Variants in PEX5 observed in about 807,000 individuals in gnomAD.
The protein encoded by PEX5 is PTS1 receptor.
PEX5 carries 52 observed loss-of-function variants against 82.9 expected under a neutral mutation model. The ratio of observed to expected loss-of-function variants is 0.63; its 90% CI spans 0.50 to 0.79. The LOEUF is 0.79. Ranked by LOEUF, PEX5 falls within the 30% of genes least tolerant of loss-of-function variation. The pLI is 0.00. For synonymous variants in PEX5, 300 were observed against 318.8 expected (o/e 0.94, Z 0.63); for missense variants, 719 against 815.2 (o/e 0.88, Z 1.44).
chr12:7,204,346 C>G (rs1158043693), intron 10 of PEX5, among the ~76,000 whole-genome samples: 1 of 152,126 alleles, frequency 6.6e-6, no homozygotes, highest in Non-Finnish European at 1.5e-5. Context: ...GAACCAGGGC[C>G]TGAGATGCAA....
intron 4 of PEX5, 102 bp from the exon 5 acceptor site, chr12:7,191,467 G>A: frequency 6.3e-7 from 1 of 1,596,684 alleles, no homozygotes; most frequent in East Asian, 2.2e-5. Context: ...TGCAGAAGGA[G>A]ACAAAAGTAA....
chr12:7,213,888 C>A (rs1263029578), downstream of PEX5, among the ~76,000 whole-genome samples: 1 of 151,614 alleles, frequency 6.6e-6, no homozygotes, highest in African/African-American at 2.4e-5. Flanking sequence ...AAGAAAAAAA[C>A]AACCCCATCA....
chr12:7,195,104 C>T (rs1464453799), intron 5 of PEX5, among the ~76,000 whole-genome samples: 2 of 152,152 alleles, frequency 1.3e-5, no homozygotes, highest in Admixed American at 1.3e-4. Context: ...CACAGTGCTG[C>T]TATTTAGCAG....
At chr12:7,199,922 G>A (rs1234767113) in intron 6 of PEX5, among the ~76,000 whole-genome samples, 7 of 97,356 alleles carry the variant, frequency 7.2e-5, no homozygotes, top group Non-Finnish European at 1.1e-4. Flanking sequence ...CTGGCCGGGC[G>A]GGGGGCTGAC....
At chr12:7,203,575 T>G in intron 10 of PEX5, 24 bp downstream of exon 10, 1 of 1,608,790 alleles carries the variant, frequency 6.2e-7, no homozygotes, top group Non-Finnish European at 8.5e-7. Context: ...TCTTAGTTTT[T>G]CAGGTTCCAG....
chr12:7,202,411 TTCAGTGG>T, intron 8 of PEX5, 60 bp downstream of exon 8: 1 of 1,598,678 alleles, frequency 6.3e-7, no homozygotes, highest in South Asian at 1.1e-5. Flanking sequence ...AGGCCATGGG[TTCAGTGG>T]TCAGTGGTCC....
chr12:7,193,902 A>G (rs898216545), intron 5 of PEX5, among the ~76,000 whole-genome samples: 2 of 152,194 alleles, frequency 1.3e-5, no homozygotes, highest in Non-Finnish European at 2.9e-5. Flanking sequence ...TGCCTGTTTC[A>G]CAGAGGCAGA....
chr12:7,209,855 T>C lies in PEX5; in HGVS notation c.1718+15T>C, dbSNP rs753215450. 1.1e-5 allele frequency: 17 copies of C among 1,614,088 alleles called. No individual in the cohort carries two copies. The highest frequency in any genetic ancestry group is 1.4e-5 in the Non-Finnish European group (17 of 1,179,958). On this transcript the variant is annotated intron_variant, in intron 15 of 15. Transcript: ENST00000675855. ...GGGGCTCACCGGTGAGAGTATCTAT[T>C]GAGAAATGAATGAATGAGCTTTTTC...
chr12:7,196,405 T>C lies in PEX5; in HGVS notation c.449-2606T>C, dbSNP rs180983307. 5.8e-3 allele frequency among the ~76,000 whole-genome samples: 776 copies of C among 134,824 alleles called. 17 individuals carry two copies. Among genetic ancestry groups the C allele is most frequent in the South Asian group, 0.012 (45 of 3,786 alleles). 88.4% of individuals were successfully genotyped at this position (134,824 alleles called of 152,430 possible). A position where few individuals can be genotyped will look rare whatever the true frequency, so the allele number is the denominator to read the frequency against. The stretch of plus-strand genomic sequence containing the variant: ...TAATTATGTGTCATACATATATGTG[T>C]CATATATAATGTAATAATTATATGT... On this transcript the variant is annotated intron_variant, in intron 5 of 15. Transcript: ENST00000675855.
chr12:7,189,024 T>G (rs1484250614), upstream of PEX5: 1 of 152,302 alleles, frequency 6.6e-6, no homozygotes, highest in Non-Finnish European at 1.5e-5. Flanking sequence ...TCCCTGTACG[T>G]TACCAGCTCG....
intron 17 of PEX5, among the ~76,000 whole-genome samples, chr12:7,216,543 TATC>T (rs1020872720): frequency 1.1e-4 from 17 of 151,792 alleles, no homozygotes; most frequent in African/African-American, 3.1e-4. Context: ...AAAATTGAAT[TATC>T]ATATTTATTT....
intron 10 of PEX5, 149 bp downstream of exon 10, chr12:7,203,700 C>T (rs779562055): frequency 4.0e-6 from 3 of 750,112 alleles, no homozygotes; most frequent in South Asian, 3.2e-5. Context: ...TGCCCTTCCT[C>T]TTCAGTGATT....
At chr12:7,208,804 T>C (rs1008759607) in intron 13 of PEX5, 135 bp downstream of exon 13, 1 of 911,998 alleles carries the variant, frequency 1.1e-6, no homozygotes. Flanking sequence ...TAGGATCAAG[T>C]TGAAGGAGGT....
chr12:7,196,275 T>C (rs1395206689), intron 5 of PEX5, among the ~76,000 whole-genome samples: 1 of 74,850 alleles, frequency 1.3e-5, no homozygotes, highest in Non-Finnish European at 2.6e-5. Context: ...ATAATTTATA[T>C]ATGTCATATA....
chr12:7,202,188 T>C lies in PEX5; in HGVS notation c.643-53T>C, dbSNP rs1034641369. 42 of 1,612,640 alleles carry C rather than the reference T, an allele frequency of 2.6e-5. 1 individual carries two copies. The South Asian group carries it at 4.4e-4, about 17-fold the overall frequency. Reference sequence around the variant, plus strand: ...GGGTCCTCTTGGGCATGGTTGAGAGTGCACACCTGGAAGTCCTTTCCCAAG... The same window carrying C: ...GGGTCCTCTTGGGCATGGTTGAGAGCGCACACCTGGAAGTCCTTTCCCAAG... On this transcript the variant is annotated intron_variant, in intron 7 of 15. Transcript: ENST00000675855.
Position 7,207,330 on chromosome 12 carries a change from G to A in PEX5, c.967-329G>A, listed in dbSNP as rs1273384883. Among the ~76,000 whole-genome samples, 6 of 152,158 alleles carry A rather than the reference G, an allele frequency of 3.9e-5. 1 individual carries two copies. The highest frequency in any genetic ancestry group is 3.9e-4 in the Admixed American group (6 of 15,288). On this transcript the variant is annotated intron_variant, in intron 10 of 15. Transcript: ENST00000675855. Reference sequence around the variant, plus strand: ...CTCATTACTATAAGCAGATCCTGTTGAGACATTCTGCCCCGTGGTGAGAAG... The same window carrying A: ...CTCATTACTATAAGCAGATCCTGTTAAGACATTCTGCCCCGTGGTGAGAAG...
At chr12:7,194,465 C>T (rs1941738832) in intron 5 of PEX5, among the ~76,000 whole-genome samples, 1 of 152,202 alleles carries the variant, frequency 6.6e-6, no homozygotes. Flanking sequence ...ACCAGTTTTA[C>T]ATGCCCTTAT....
At chr12:7,197,770 G>A (rs1397332336) in intron 5 of PEX5, among the ~76,000 whole-genome samples, 1 of 152,008 alleles carries the variant, frequency 6.6e-6, no homozygotes, top group East Asian at 1.9e-4. Context: ...TGAAACTGGG[G>A]ACAAAGACTG....
At chr12:7,212,835 G>C (rs1012580024), downstream of PEX5, 5 of 152,214 alleles carry the variant, frequency 3.3e-5, no homozygotes, top group African/African-American at 1.2e-4. Context: ...TCACCACCTG[G>C]GGGATCACGA....
Sources: gnomAD v4.1 joint callset for allele counts (sites outside exome capture counted in the v4.1 genomes callset) on GRCh38, gnomAD v4.1.1 for gene constraint, MANE v1.5 for transcripts, NCBI Gene and HGNC (gene_info 2026-07-23, HGNC 2026-07-21) for gene names.